Variants in SKAP2 observed in about 807,000 individuals in gnomAD.
SKAP2 encodes the protein src kinase-associated phosphoprotein 2.
A neutral mutation model predicts 54.9 loss-of-function variants in SKAP2; 28 were observed. The ratio of observed to expected loss-of-function variants is 0.51; its 90% confidence interval spans 0.38 to 0.70. The LOEUF (loss-of-function observed/expected upper bound fraction) is 0.70. SKAP2 is among the 30% of genes least tolerant of loss of function. The pLI, the probability that SKAP2 is intolerant of heterozygous loss-of-function variation, is 0.00. For missense variants in SKAP2, 356 were observed against 424.1 expected (o/e 0.84, Z 1.41); for synonymous variants, 137 against 134.3 (o/e 1.02, Z -0.14).
rs1469055950 is a variant in SKAP2 at position 26,744,554 on chromosome 7, CTA to C, written c.308-4592_308-4591del. On this transcript the variant is annotated intron_variant, in intron 4 of 12. Transcript: ENST00000345317. Reference sequence around the variant, plus strand: ...AGAGTTGGGGGAGAGAGAGAAAGAGCTAGAGTTGAGGAGAATGGGAGATCTAA... The same window carrying C: ...AGAGTTGGGGGAGAGAGAGAAAGAGCGAGTTGAGGAGAATGGGAGATCTAA... Among the ~76,000 whole-genome samples, 5 of 152,012 alleles carry C rather than the reference CTA, an allele frequency of 3.3e-5. No individual in the cohort carries two copies. The East Asian group carries it at 9.7e-4, about 29-fold the overall frequency.
intron 11 of SKAP2, among the ~76,000 whole-genome samples, chr7:26,679,702 A>T (rs1786443924): frequency 6.6e-6 from 1 of 152,224 alleles, no homozygotes; most frequent in African/African-American, 2.4e-5. Flanking sequence ...GACAGCTAAA[A>T]AGTAACTTAT....
At chr7:26,761,998 T>A (rs1205775001) in intron 4 of SKAP2, among the ~76,000 whole-genome samples, 1 of 152,140 alleles carries the variant, frequency 6.6e-6, no homozygotes, top group Non-Finnish European at 1.5e-5. Flanking sequence ...GAAAAGTAAA[T>A]TTCAAAACTC....
chr7:26,786,886 T>G (rs1388479786), intron 4 of SKAP2, among the ~76,000 whole-genome samples: 2 of 152,348 alleles, frequency 1.3e-5, no homozygotes, highest in Non-Finnish European at 2.9e-5. Context: ...GATCATTCTT[T>G]TTTAGACAGC....
rs141698950 is a variant in SKAP2, at chr7:26,847,387, T to C, written c.200-3250A>G. ...CGACCCAATAAAGAGTAAAAGCTGC[T>C]GTCTTATAAGGAGTTTTAACTGAAC... On this transcript the variant is annotated intron_variant, in intron 3 of 12. Transcript: ENST00000345317. Among the ~76,000 whole-genome samples, 330 of 152,210 alleles carry C rather than the reference T, an allele frequency of 2.2e-3. 1 individual carries two copies. The highest frequency in any genetic ancestry group is 7.6e-3 in the African/African-American group (316 of 41,552).
intron 3 of SKAP2, among the ~76,000 whole-genome samples, chr7:26,845,867 G>A (rs1209146005): frequency 3.3e-5 from 5 of 152,280 alleles, no homozygotes; most frequent in Middle Eastern, 3.4e-3. Flanking sequence ...AGGAGTTTGA[G>A]GCTGCAGTGA....
At chr7:26,717,881 TA>T (rs1787494567) in intron 9 of SKAP2, among the ~76,000 whole-genome samples, 1 of 151,506 alleles carries the variant, frequency 6.6e-6, no homozygotes, top group Non-Finnish European at 1.5e-5. Context: ...AATTAAAAAA[TA>T]TTTTTTTAAA....
At chr7:26,775,652 C>T (rs143788947) in intron 4 of SKAP2, among the ~76,000 whole-genome samples, 1 of 151,780 alleles carries the variant, frequency 6.6e-6, no homozygotes, top group Admixed American at 6.6e-5. Flanking sequence ...CACAAGGATC[C>T]CTCCTGTTGC....
chr7:26,825,580 T>TAAAAAAAAAAAAAA (rs3069884), intron 4 of SKAP2, among the ~76,000 whole-genome samples: 1 of 129,094 alleles, frequency 7.7e-6, no homozygotes, highest in Non-Finnish European at 1.6e-5. Flanking sequence ...AGCAAACAGT[T>TAAAAAAAAAAAAAA]AAAAAAAAAA....
At chr7:26,774,437 G>T (rs1419851884) in intron 4 of SKAP2, among the ~76,000 whole-genome samples, 1 of 151,906 alleles carries the variant, frequency 6.6e-6, no homozygotes. Context: ...GGGAAAAAAT[G>T]ATCCCCGCTT....
chr7:26,711,226 A>T (rs543372193), intron 9 of SKAP2, among the ~76,000 whole-genome samples: 1 of 152,190 alleles, frequency 6.6e-6, no homozygotes, highest in Non-Finnish European at 1.5e-5. Flanking sequence ...AATGGCCAAG[A>T]TATATAGTAA....
intron 6 of SKAP2, among the ~76,000 whole-genome samples, chr7:26,729,323 G>C (rs2127957344): frequency 6.6e-6 from 1 of 152,156 alleles, no homozygotes; most frequent in Non-Finnish European, 1.5e-5. Context: ...AAGAAAAGAG[G>C]AACAGCAAAT....
At chr7:26,758,464 A>G (rs1375556923) in intron 4 of SKAP2, among the ~76,000 whole-genome samples, 3 of 152,122 alleles carry the variant, frequency 2.0e-5, no homozygotes, top group Non-Finnish European at 4.4e-5. Flanking sequence ...TGAAGGTACT[A>G]CTTTGAGAAT....
intron 4 of SKAP2, among the ~76,000 whole-genome samples, chr7:26,758,893 G>T (rs3801863): frequency 0.055 from 8,400 of 152,164 alleles, 410 homozygotes; most frequent in East Asian, 0.28. Flanking sequence ...AACAATTCCT[G>T]ATCTGGGAAA....
intron 6 of SKAP2, among the ~76,000 whole-genome samples, 185 bp from the exon 7 acceptor site, chr7:26,727,191 T>C (rs761647403): frequency 1.3e-5 from 2 of 152,138 alleles, no homozygotes; most frequent in Non-Finnish European, 2.9e-5. Context: ...GTATTAGGGA[T>C]GATTGGACTT....
chr7:26,768,740 T>G (rs888704780), intron 4 of SKAP2, among the ~76,000 whole-genome samples: 2 of 152,204 alleles, frequency 1.3e-5, no homozygotes, highest in Non-Finnish European at 2.9e-5. Flanking sequence ...GATATGAAAT[T>G]CTGGGTTGAA....
At chr7:26,860,282 A>C (rs748890868) in intron 1 of SKAP2, among the ~76,000 whole-genome samples, 12 of 152,172 alleles carry the variant, frequency 7.9e-5, no homozygotes, top group Non-Finnish European at 1.5e-4. Context: ...TATATACTTA[A>C]AATAGGCAAA....
chr7:26,724,240 C>T (rs1032636806), intron 9 of SKAP2, among the ~76,000 whole-genome samples: 1 of 152,110 alleles, frequency 6.6e-6, no homozygotes, highest in African/African-American at 2.4e-5. Context: ...TAAGCACTTG[C>T]AAGAATTCAC....
At chr7:26,841,869 A>C (rs1320759914) in intron 4 of SKAP2, among the ~76,000 whole-genome samples, 2 of 152,068 alleles carry the variant, frequency 1.3e-5, no homozygotes, top group African/African-American at 4.8e-5. Flanking sequence ...ACAAAACAAC[A>C]ATCTGATTTG....
intron 3 of SKAP2, among the ~76,000 whole-genome samples, chr7:26,849,299 T>G (rs6461979): frequency 6.6e-6 from 1 of 151,854 alleles, no homozygotes; most frequent in Non-Finnish European, 1.5e-5. Context: ...CAAAATCTAT[T>G]TTTTTTTACA....
Sources: allele counts gnomAD v4.1 joint callset (sites outside exome capture counted in the v4.1 genomes callset), GRCh38; gene constraint gnomAD v4.1.1; transcripts MANE v1.5; gene names NCBI Gene and HGNC (gene_info 2026-07-23, HGNC 2026-07-21).